The following SNTG1 variants were observed in gnomAD, a reference collection of about 807,000 sequenced individuals.
SNTG1 encodes the protein syntrophin gamma 1.
A neutral mutation model predicts 74.7 loss-of-function variants in SNTG1; 39 were observed. The observed-to-expected ratio is 0.52, with a 90% confidence interval of 0.40 to 0.68. The LOEUF (loss-of-function observed/expected upper bound fraction) is 0.68. Ranked by LOEUF, SNTG1 falls within the 30% of genes least tolerant of loss-of-function variation. The probability of loss-of-function intolerance (pLI) is 0.00; values close to 1 mark genes in which losing one functional copy is unlikely to be tolerated. For synonymous variants in SNTG1, 254 were observed against 217.1 expected (o/e 1.17, Z -1.49); for missense variants, 685 against 609.5 (o/e 1.12, Z -1.30).
At chr8:49,974,564 C>G (rs1812013123) in intron 1 of SNTG1, among the ~76,000 whole-genome samples, 1 of 152,130 alleles carries the variant, frequency 6.6e-6, no homozygotes, top group South Asian at 2.1e-4. Context: ...CATAAGAGAG[C>G]CCTGGCCTGG....
At chr8:50,005,472 CA>C (rs150405044) in intron 1 of SNTG1, among the ~76,000 whole-genome samples, 10 of 148,888 alleles carry the variant, frequency 6.7e-5, no homozygotes, top group African/African-American at 2.2e-4. Context: ...GGTATTACTG[CA>C]AAAAAAAAAT....
chr8:50,683,123 A>G (rs1399908464), intron 15 of SNTG1, among the ~76,000 whole-genome samples: 6 of 152,138 alleles, frequency 3.9e-5, no homozygotes, highest in Admixed American at 3.9e-4. Context: ...GCTTAGTGCT[A>G]TGTCCCCACA....
At chr8:50,501,618 T>TA (rs2093957342) in intron 8 of SNTG1, among the ~76,000 whole-genome samples, 3 of 129,016 alleles carry the variant, frequency 2.3e-5, no homozygotes, top group Non-Finnish European at 4.7e-5. Flanking sequence ...TTTATTTTTT[T>TA]TTTTTTTTTT....
chr8:50,375,103 C>T (rs2092348556), intron 2 of SNTG1, among the ~76,000 whole-genome samples: 1 of 152,100 alleles, frequency 6.6e-6, no homozygotes, highest in African/African-American at 2.4e-5. Flanking sequence ...GGGGATCTCT[C>T]CTGTAGAAGA....
chr8:49,982,654 G>GTGTA (rs1812792928), intron 1 of SNTG1, among the ~76,000 whole-genome samples: 1 of 149,632 alleles, frequency 6.7e-6, no homozygotes, highest in African/African-American at 2.5e-5. Context: ...GTGTGTGTGT[G>GTGTA]TGTGTAATTA....
chr8:50,429,513 C>T (rs1187154888), intron 4 of SNTG1, among the ~76,000 whole-genome samples: 1 of 152,066 alleles, frequency 6.6e-6, no homozygotes, highest in Admixed American at 6.6e-5. Context: ...AATTTAAGAA[C>T]TAAAACTATT....
chr8:50,482,159 G>C (rs2093746315), intron 8 of SNTG1, among the ~76,000 whole-genome samples: 1 of 152,174 alleles, frequency 6.6e-6, no homozygotes, highest in South Asian at 2.1e-4. Flanking sequence ...GACTAGCTCT[G>C]TCTGGAGGCT....
intron 1 of SNTG1, among the ~76,000 whole-genome samples, chr8:50,139,259 T>C (rs989884751): frequency 2.6e-4 from 39 of 152,246 alleles, no homozygotes; most frequent in Non-Finnish European, 7.3e-5. Context: ...CAAAATATTG[T>C]ACTGAATGTA....
intron 3 of SNTG1, among the ~76,000 whole-genome samples, chr8:50,395,819 G>C (rs905378228): frequency 6.6e-6 from 1 of 151,990 alleles, no homozygotes; most frequent in East Asian, 1.9e-4. Context: ...CCCATTTCTG[G>C]TTTTAATTGC....
chr8:50,390,082 C>G (rs7012731), intron 2 of SNTG1, among the ~76,000 whole-genome samples: 102,671 of 149,696 alleles, frequency 0.69, 35,447 homozygotes, highest in East Asian at 0.83. Flanking sequence ...AAGCTCTTTA[C>G]TTTAATTAGA....
At chr8:50,647,061 T>G (rs1308151749) in intron 13 of SNTG1, among the ~76,000 whole-genome samples, 1 of 152,030 alleles carries the variant, frequency 6.6e-6, no homozygotes, top group Non-Finnish European at 1.5e-5. Context: ...CTACAAACAT[T>G]AACTCAAAAT....
intron 2 of SNTG1, among the ~76,000 whole-genome samples, chr8:50,238,180 C>T (rs1479098510): frequency 2.0e-5 from 3 of 152,022 alleles, no homozygotes; most frequent in African/African-American, 7.2e-5. Context: ...ACCCAAATAA[C>T]CAAAGCAACC....
chr8:49,928,113 A>C (rs1388868768), intron 1 of SNTG1, among the ~76,000 whole-genome samples: 8 of 150,824 alleles, frequency 5.3e-5, no homozygotes, highest in Non-Finnish European at 1.2e-4. Context: ...TGGGCAACAG[A>C]GTGAGACTCT....
chr8:50,575,598 G>C (rs1479877029), intron 12 of SNTG1: 2 of 152,370 alleles, frequency 1.3e-5, no homozygotes, highest in African/African-American at 4.8e-5. Context: ...GGGGTTTAAG[G>C]TTTGGATGAC....
chr8:50,671,227 A>G (rs551424701), intron 15 of SNTG1, among the ~76,000 whole-genome samples: 109 of 152,100 alleles, frequency 7.2e-4, no homozygotes, highest in African/African-American at 2.6e-3. Flanking sequence ...TCTGCACAGC[A>G]AAAGAAACTA....
At chr8:50,349,997 G>A (rs144594906) in intron 2 of SNTG1, among the ~76,000 whole-genome samples, 62 of 152,312 alleles carry the variant, frequency 4.1e-4, no homozygotes, top group African/African-American at 1.3e-3. Context: ...TGGGCTTGGC[G>A]GCCCCACACT....
In SNTG1 at chr8:50,780,145, G is replaced by T. The variant is rs543227504; in HGVS notation, c.1396-12526G>T. 3.7e-3 allele frequency among the ~76,000 whole-genome samples: 565 copies of T among 152,258 alleles called. 4 individuals carry two copies. Among genetic ancestry groups the T allele is most frequent in the African/African-American group, 0.013 (523 of 41,558 alleles). On this transcript the variant is annotated intron_variant, in intron 18 of 18. Transcript: ENST00000642720. ...GATTTTTGCATCAATGTTCATCAAG[G>T]ATATTGGTCTAAAATTCTCTTTTTT...
chr8:50,552,601 G>T (rs2094433492), intron 11 of SNTG1, among the ~76,000 whole-genome samples: 2 of 152,134 alleles, frequency 1.3e-5, no homozygotes, highest in African/African-American at 4.8e-5. Context: ...ATCATCTAGT[G>T]ACTTTTTAAT....
At chr8:50,304,065 C>T (rs2089771942) in intron 2 of SNTG1, among the ~76,000 whole-genome samples, 1 of 152,082 alleles carries the variant, frequency 6.6e-6, no homozygotes, top group Admixed American at 6.6e-5. Context: ...AATTTAATTA[C>T]CATATGATGG....
Sources: allele counts gnomAD v4.1 joint callset (sites outside exome capture counted in the v4.1 genomes callset), GRCh38; gene constraint gnomAD v4.1.1; transcripts MANE v1.5; gene names NCBI Gene and HGNC (gene_info 2026-07-23, HGNC 2026-07-21).